Variants in CSMD1 observed in about 807,000 individuals in gnomAD.
CSMD1 encodes CUB and sushi domain-containing protein 1.
In CSMD1, 213 loss-of-function variants were observed where a neutral mutation model predicts 417.5. The ratio of observed to expected loss-of-function variants is 0.51; its 90% confidence interval spans 0.46 to 0.57. The LOEUF is 0.57. Among genes scored for constraint, CSMD1 ranks in the 20% least tolerant of loss-of-function variants. The probability of loss-of-function intolerance (pLI) is 0.00; values close to 1 mark genes in which losing one functional copy is unlikely to be tolerated. For synonymous variants in CSMD1, 2,862 were observed against 1,736.8 expected, an observed-to-expected ratio of 1.65 and a Z score of -16.11; for missense variants, 6,923 against 4,529.7, an observed-to-expected ratio of 1.53 and a Z score of -15.17.
In CSMD1 at chr8:3,496,383, G is replaced by C. The variant is rs113718348; in HGVS notation, c.1345-2657C>G. 4.4e-3 allele frequency among the ~76,000 whole-genome samples: 672 copies of C among 152,256 alleles called. 7 individuals are homozygous for C. Among genetic ancestry groups the C allele is most frequent in the African/African-American group, 0.015 (632 of 41,550 alleles). On this transcript the variant is annotated intron_variant, in intron 10 of 69. Transcript: ENST00000635120. ...AGGGCAGACACCATGTGGCTTGCTC[G>C]TGGAGGGAAGCACTGGCCTCAACCT...
chr8:4,312,048 T>C (rs969677957), intron 3 of CSMD1, among the ~76,000 whole-genome samples: 4 of 152,148 alleles, frequency 2.6e-5, no homozygotes, highest in African/African-American at 9.7e-5. Context: ...ATCATTGTCA[T>C]TTCTAGCTAG....
intron 20 of CSMD1, among the ~76,000 whole-genome samples, chr8:3,361,974 A>G (rs538443766): frequency 2.6e-5 from 4 of 152,288 alleles, no homozygotes; most frequent in Non-Finnish European, 5.9e-5. Flanking sequence ...CAAGGTGTGC[A>G]TGTTCATCTT....
chr8:3,935,556 ATAT>A (rs1246608416), intron 5 of CSMD1, among the ~76,000 whole-genome samples: 8 of 152,140 alleles, frequency 5.3e-5, no homozygotes, highest in African/African-American at 1.9e-4. Context: ...GCTTCTAGGT[ATAT>A]GATTGTACTT....
chr8:4,133,516 T>C (rs911365216), intron 3 of CSMD1, among the ~76,000 whole-genome samples: 6 of 152,322 alleles, frequency 3.9e-5, no homozygotes, highest in African/African-American at 1.4e-4. Flanking sequence ...TTATTCCTCA[T>C]ATTCTACTTT....
intron 1 of CSMD1, among the ~76,000 whole-genome samples, chr8:4,737,092 C>T (rs1563254498): frequency 6.6e-6 from 1 of 152,098 alleles, no homozygotes; most frequent in Non-Finnish European, 1.5e-5. Flanking sequence ...CCTACATGCC[C>T]ATCAATGATA....
intron 5 of CSMD1, among the ~76,000 whole-genome samples, chr8:3,872,504 G>A (rs1016890865): frequency 2.0e-5 from 3 of 152,170 alleles, no homozygotes; most frequent in African/African-American, 7.2e-5. Context: ...CCTGGTGCCT[G>A]AACTAGGTAA....
At chr8:4,381,401 C>T (rs902377336) in intron 3 of CSMD1, among the ~76,000 whole-genome samples, 8 of 152,034 alleles carry the variant, frequency 5.3e-5, no homozygotes, top group Admixed American at 3.9e-4. Context: ...GGTGGAAAAC[C>T]CATGAATATT....
intron 1 of CSMD1, among the ~76,000 whole-genome samples, chr8:4,963,231 T>C (rs10098321): frequency 0.74 from 112,907 of 152,122 alleles, 43,090 homozygotes; most frequent in African/African-American, 0.93. Context: ...GATGGAGTCT[T>C]GCTCTGTCAC....
chr8:2,997,247 C>A (rs1043624764), intron 54 of CSMD1, among the ~76,000 whole-genome samples: 10 of 152,216 alleles, frequency 6.6e-5, no homozygotes, highest in Admixed American at 5.2e-4. Context: ...CCAATTTAGA[C>A]CTGAGCCAGA....
chr8:4,230,401 T>C (rs749353198), intron 3 of CSMD1, among the ~76,000 whole-genome samples: 6 of 152,198 alleles, frequency 3.9e-5, no homozygotes, highest in Non-Finnish European at 7.4e-5. Flanking sequence ...AAATAAATGA[T>C]CTTGTATATA....
At chr8:3,388,385 A>C (rs543142996) in intron 17 of CSMD1, among the ~76,000 whole-genome samples, 54 of 152,110 alleles carry the variant, frequency 3.6e-4, no homozygotes, top group African/African-American at 1.3e-3. Context: ...CATATATTTT[A>C]AGAGCTAAGG....
rs145142506 is a variant in CSMD1 at position 3,519,166 on chromosome 8, A to G, written c.1345-25440T>C. Among the ~76,000 whole-genome samples the G allele has an allele frequency of 4.3e-3, 656 of 152,302 alleles. 4 individuals carry two copies. The highest frequency in any genetic ancestry group is 0.025 in the South Asian group (120 of 4,830). ...AACATACCTATTTAATAAGCTAAAA[A>G]TTCCTTAATCCTGAACACGTGATTA... On this transcript the variant is annotated intron_variant, in intron 10 of 69. Transcript: ENST00000635120.
intron 3 of CSMD1, among the ~76,000 whole-genome samples, chr8:4,376,620 T>C (rs909360306): frequency 4.6e-5 from 7 of 152,188 alleles, no homozygotes; most frequent in African/African-American, 1.7e-4. Flanking sequence ...GGGAATTAAA[T>C]AATATTTCTT....
chr8:4,982,284 A>G (rs1810935791), intron 1 of CSMD1, among the ~76,000 whole-genome samples: 1 of 152,212 alleles, frequency 6.6e-6, no homozygotes, highest in African/African-American at 2.4e-5. Flanking sequence ...AGCTAATGCA[A>G]AAAGTATTCA....
intron 2 of CSMD1, among the ~76,000 whole-genome samples, chr8:4,579,276 T>C (rs1002418360): frequency 6.6e-6 from 1 of 151,158 alleles, no homozygotes; most frequent in Non-Finnish European, 1.5e-5. Flanking sequence ...TACATATATA[T>C]ATGTATATAT....
At chr8:3,789,017 A>G (rs1799589579) in intron 5 of CSMD1, among the ~76,000 whole-genome samples, 1 of 152,192 alleles carries the variant, frequency 6.6e-6, no homozygotes, top group Non-Finnish European at 1.5e-5. Flanking sequence ...CTCTTCCCAA[A>G]TTAGGAGGAT....
intron 1 of CSMD1, among the ~76,000 whole-genome samples, chr8:4,936,734 C>A (rs1214789942): frequency 2.0e-5 from 3 of 152,104 alleles, no homozygotes; most frequent in African/African-American, 7.2e-5. Context: ...ATAGGCAGGA[C>A]CTGATAAAAC....
At chr8:3,636,871 T>C (rs559915126) in intron 7 of CSMD1, among the ~76,000 whole-genome samples, 39 of 152,336 alleles carry the variant, frequency 2.6e-4, no homozygotes, top group African/African-American at 7.5e-4. Flanking sequence ...TTGAGATATA[T>C]AGATTTTGTT....
intron 3 of CSMD1, among the ~76,000 whole-genome samples, chr8:4,148,010 A>G (rs1796355633): frequency 6.6e-6 from 1 of 152,124 alleles, no homozygotes; most frequent in South Asian, 2.1e-4. Context: ...CACGGGTTCC[A>G]TGATTGTTTC....
Sources: allele counts gnomAD v4.1 joint callset (sites outside exome capture counted in the v4.1 genomes callset), GRCh38; gene constraint gnomAD v4.1.1; transcripts MANE v1.5; gene names NCBI Gene and HGNC (gene_info 2026-07-23, HGNC 2026-07-21).